Variants in ARHGAP35 observed in about 807,000 individuals in gnomAD.
ARHGAP35 encodes rho GTPase-activating protein 35.
Under a neutral mutation model 111.1 loss-of-function variants are expected in ARHGAP35, and 15 were observed. The ratio of observed to expected loss-of-function variants is 0.13; its 90% CI spans 0.09 to 0.21. The LOEUF (loss-of-function observed/expected upper bound fraction) is 0.21. Ranked by LOEUF, ARHGAP35 falls within the 10% of genes least tolerant of loss-of-function variation. ARHGAP35 has a pLI of 1.00. For missense variants in ARHGAP35, 1,262 were observed against 1,873.0 expected (o/e 0.67, Z 6.02); for synonymous variants, 643 against 710.3 (o/e 0.91, Z 1.51).
chr19:46,953,339 CT>C (rs1325352191), intron 3 of ARHGAP35, among the ~76,000 whole-genome samples: 2 of 152,018 alleles, frequency 1.3e-5, no homozygotes, highest in Non-Finnish European at 2.9e-5. Flanking sequence ...GGAAGAGTGG[CT>C]TTTGAGAAGG....
At chr19:46,895,122 C>G (rs1009509857) in intron 1 of ARHGAP35, among the ~76,000 whole-genome samples, 1 of 149,824 alleles carries the variant, frequency 6.7e-6, no homozygotes, top group Admixed American at 6.7e-5. Flanking sequence ...TGAATTTTTG[C>G]AATTGGATGA....
At chr19:46,910,415 T>C (rs1426324248) in intron 1 of ARHGAP35, among the ~76,000 whole-genome samples, 2 of 149,046 alleles carry the variant, frequency 1.3e-5, no homozygotes, top group Non-Finnish European at 3.0e-5. Flanking sequence ...CTCAGCCTCC[T>C]GAGTAGCTAG....
intron 2 of ARHGAP35, among the ~76,000 whole-genome samples, chr19:46,923,305 G>A (rs565753016): frequency 6.6e-6 from 1 of 151,766 alleles, no homozygotes; most frequent in Non-Finnish European, 1.5e-5. Context: ...TAGTAGAGAC[G>A]GGGTTTCACC....
intron 3 of ARHGAP35, among the ~76,000 whole-genome samples, chr19:46,973,562 G>T (rs1173774217): frequency 6.6e-6 from 1 of 151,856 alleles, no homozygotes; most frequent in Non-Finnish European, 1.5e-5. Flanking sequence ...TGGTGGCGGG[G>T]CGCCTGTAGT....
intron 1 of ARHGAP35, among the ~76,000 whole-genome samples, chr19:46,866,876 CTT>C (rs1249835059): frequency 6.6e-6 from 1 of 152,196 alleles, no homozygotes; most frequent in African/African-American, 2.4e-5. Context: ...CCATATACCT[CTT>C]TTAAAAACGA....
At position 46,921,115 on chromosome 19, in the gene ARHGAP35, T is replaced by C. The variant is rs1202621114; in HGVS notation, c.2440T>C (p.Cys814Arg). ...LQSQTCKSSH[C>R]GSNNSVLLEL... ...GTCCCAAACCTGTAAATCTTCCCAT[T>C]GTGGAAGCAACAACTCTGTTTTACT... Residue 814 changes from cysteine (C) to arginine (R), a missense_variant, in exon 2 of 7, where the codon TGT (cysteine) becomes CGT (arginine). Transcript: ENST00000672722. This position sits in a 1 kb window ranked among gnomAD's most constrained non-coding sequence, Gnocchi z 4.3. 2 of 1,613,986 alleles carry C rather than the reference T, an allele frequency of 1.2e-6. No homozygotes were observed. Among genetic ancestry groups the C allele is most frequent in the Admixed American group, 1.7e-5 (1 of 60,020 alleles).
intron 3 of ARHGAP35, among the ~76,000 whole-genome samples, chr19:46,971,706 G>C (rs1426528080): frequency 6.6e-6 from 1 of 151,812 alleles, no homozygotes; most frequent in Non-Finnish European, 1.5e-5. Context: ...CACCAAGTTG[G>C]TCAGGCTGGT....
Position 46,976,210 on chromosome 19 carries a change from C to CTTTTT in ARHGAP35, c.3827-11763_3827-11759dup, listed in dbSNP as rs772367746. Among the ~76,000 whole-genome samples, 9 of 118,700 alleles carry CTTTTT rather than the reference C, an allele frequency of 7.6e-5. No individual in the cohort carries two copies. The East Asian group carries it at 9.8e-4, about 13-fold the overall frequency. The allele number at this position is 118,700 out of a possible 152,430, so 77.9% of individuals were successfully genotyped here. On this transcript the variant is annotated intron_variant, in intron 3 of 6. Coordinates refer to ENST00000672722, the MANE Select transcript of ARHGAP35 (RefSeq NM_004491.5). ...AATAGTTTTAAAACAAAGCTTTCTC[C>CTTTTT]TTTTTTTTTTTTTTTTTTTTGCTAC...
chr19:46,918,952 A>G lies in ARHGAP35; in HGVS notation c.277A>G (p.Ile93Val), dbSNP rs1162246561. Residue 93 changes from isoleucine to valine, a missense_variant, in exon 2 of 7, where the codon ATT (isoleucine) becomes GTT (valine). Ile to Val is a conservative substitution (Grantham distance 29, BLOSUM62 3). This residue lies in a region of ARHGAP35 where 125 missense variants were observed against 301.7 expected (regional missense o/e 0.41). Coordinates refer to ENST00000672722, the MANE Select transcript of ARHGAP35 (RefSeq NM_004491.5). The surrounding 1 kb of genome is among the most constrained non-coding windows in gnomAD (Gnocchi z 5.4). ...GGATTGTGTGGAATGTAAGATGCAC[A>G]TTGTGGAGCAGACTGAATTTATTGA... is the stretch of plus-strand genomic sequence containing the variant. ...LEDCVECKMH[I>V]VEQTEFIDDQ... 3 of 1,614,024 alleles carry G rather than the reference A, an allele frequency of 1.9e-6. No homozygotes were observed. The highest frequency in any genetic ancestry group is 1.7e-5 in the Admixed American group (1 of 60,018).
chr19:46,896,848 A>G (rs1210782392), intron 1 of ARHGAP35, among the ~76,000 whole-genome samples: 2 of 152,092 alleles, frequency 1.3e-5, no homozygotes, highest in Admixed American at 6.6e-5. Flanking sequence ...GTAATAATGG[A>G]CCAGCTAAAA....
Position 46,993,642 on chromosome 19 carries a change from G to T in ARHGAP35, c.4036+3967G>T, listed in dbSNP as rs2122350073. Among the ~76,000 whole-genome samples, 1 of 152,286 alleles carries T rather than the reference G, an allele frequency of 6.6e-6. No homozygotes were observed. The highest frequency in any genetic ancestry group is 2.4e-5 in the African/African-American group (1 of 41,544). The stretch of plus-strand genomic sequence containing the variant: ...TCTATTGTACTAAATTGCTGGATCT[G>T]TGTCCAGGCTGTCTTGGTTCAACTG... On this transcript the variant is annotated intron_variant, in intron 5 of 6. Coordinates refer to ENST00000672722, the MANE Select transcript of ARHGAP35 (RefSeq NM_004491.5). The surrounding 1 kb of genome is among the most constrained non-coding windows in gnomAD (Gnocchi z 4.6).
rs2056175534 is a variant in ARHGAP35, at chr19:46,918,368, CATGAG to C, written c.-188-116_-188-112del. Among the ~76,000 whole-genome samples, 1 of 152,164 alleles carries C rather than the reference CATGAG, an allele frequency of 6.6e-6. No individual in the cohort carries two copies. Among genetic ancestry groups the C allele is most frequent in the Non-Finnish European group, 1.5e-5 (1 of 68,022 alleles). On this transcript the variant is annotated intron_variant, in intron 1 of 6. Coordinates refer to ENST00000672722, the MANE Select transcript of ARHGAP35 (RefSeq NM_004491.5). This position sits in a 1 kb window ranked among gnomAD's most constrained non-coding sequence, Gnocchi z 5.4. ...TCTTCACCCAGCACAAGGCCTGACA[CATGAG>C]ATGTTTACTAAATATTTGTTGAATA...
chr19:46,991,483 T>G (rs2056678959), intron 5 of ARHGAP35, among the ~76,000 whole-genome samples: 1 of 152,168 alleles, frequency 6.6e-6, no homozygotes, highest in Non-Finnish European at 1.5e-5. Context: ...CCACAGCAGC[T>G]CTCACCCAGC....
chr19:46,942,592 G>A (rs945530757), intron 3 of ARHGAP35, among the ~76,000 whole-genome samples: 1 of 152,006 alleles, frequency 6.6e-6, no homozygotes, highest in Non-Finnish European at 1.5e-5. Context: ...AGCCGAGATC[G>A]CACCACTGCA....
intron 3 of ARHGAP35, among the ~76,000 whole-genome samples, chr19:46,952,294 G>C (rs1435912428): frequency 6.6e-6 from 1 of 152,108 alleles, no homozygotes; most frequent in Non-Finnish European, 1.5e-5. Flanking sequence ...TACATTAATT[G>C]TGCTGTTCAA....
At position 46,920,633 on chromosome 19, in the gene ARHGAP35, C is replaced by T. The variant is rs766572488; in HGVS notation, c.1958C>T (p.Thr653Met). ...AGGCTTCCTGTGAACTCTTTCCAGA[C>T]GCCAACATTTCAGCCCCACGGCTGT... ...NVRLPVNSFQ[T>M]PTFQPHGCLC... is the part of the protein sequence containing the mutation. The change falls in exon 2 of 7, where the codon ACG becomes ATG. Residue 653 changes from threonine to methionine, a missense_variant. Around this residue, in one of 8 missense-constraint regions of ARHGAP35, gnomAD observed 37 missense variants for 83.9 expected, o/e 0.44. Transcript: ENST00000672722. The surrounding 1 kb of genome is among the most constrained non-coding windows in gnomAD (Gnocchi z 7.0). 4 of 1,614,000 alleles carry T rather than the reference C, an allele frequency of 2.5e-6. No homozygotes were observed. Among genetic ancestry groups the T allele is most frequent in the Non-Finnish European group, 3.4e-6 (4 of 1,179,906 alleles).
chr19:46,979,289 T>C (rs2056607127), intron 3 of ARHGAP35, among the ~76,000 whole-genome samples: 1 of 152,094 alleles, frequency 6.6e-6, no homozygotes, highest in Non-Finnish European at 1.5e-5. Context: ...CTTCAGAGCA[T>C]GAAGACGTCT....
At chr19:46,865,321 GT>G (rs2055849349) in intron 1 of ARHGAP35, among the ~76,000 whole-genome samples, 1 of 152,168 alleles carries the variant, frequency 6.6e-6, no homozygotes, top group African/African-American at 2.4e-5. Context: ...TCTGATCAAA[GT>G]TCCTCATTTA....
At chr19:46,934,423 A>G (rs2056292341) in intron 2 of ARHGAP35, among the ~76,000 whole-genome samples, 1 of 152,122 alleles carries the variant, frequency 6.6e-6, no homozygotes, top group Admixed American at 6.6e-5. Context: ...GCTGGAGTGC[A>G]ATGGCACAAT....
Sources: allele counts gnomAD v4.1 joint callset (sites outside exome capture counted in the v4.1 genomes callset), GRCh38; gene constraint gnomAD v4.1.1; regional missense constraint gnomAD v4.1.1; non-coding constraint Gnocchi (gnomAD v3.1); transcripts MANE v1.5; gene names NCBI Gene and HGNC (gene_info 2026-07-23, HGNC 2026-07-21).